JAK1: variants seen among roughly 807,000 people sequenced by gnomAD.
The protein encoded by JAK1 is tyrosine-protein kinase JAK1.
A neutral mutation model predicts 136.6 loss-of-function variants in JAK1; 16 were observed. That is an observed-to-expected ratio of 0.12 (90% confidence interval 0.08 to 0.18). JAK1 has a LOEUF of 0.18. JAK1 is among the 10% of genes least tolerant of loss of function. The pLI, the probability that JAK1 is intolerant of heterozygous loss-of-function variation, is 1.00. For synonymous variants in JAK1, 492 were observed against 519.5 expected (o/e 0.95, Z 0.72); for missense variants, 859 against 1,450.1 (o/e 0.59, Z 6.62).
At chr1:64,891,558 A>ACTT (rs1644936599) in intron 1 of JAK1, among the ~76,000 whole-genome samples, 1 of 152,212 alleles carries the variant, frequency 6.6e-6, no homozygotes, top group Non-Finnish European at 1.5e-5. Context: ...CAACATGTGA[A>ACTT]CAGGAAGCCT....
At chr1:64,965,462 T>TA (rs772653624) in intron 1 of JAK1, among the ~76,000 whole-genome samples, 2 of 152,098 alleles carry the variant, frequency 1.3e-5, no homozygotes, top group Non-Finnish European at 2.9e-5. Context: ...ATCTTTTATC[T>TA]AGAAGTTCCG....
chr1:64,950,096 GC>G (rs1372672174), intron 1 of JAK1, among the ~76,000 whole-genome samples: 4 of 152,086 alleles, frequency 2.6e-5, no homozygotes, highest in African/African-American at 9.7e-5. Context: ...AAACATAACA[GC>G]TTCGTGTAGG....
intron 24 of JAK1, 83 bp from the exon 25 acceptor site, chr1:64,834,740 A>G (rs1654363507): frequency 1.1e-6 from 1 of 901,432 alleles, no homozygotes; most frequent in East Asian, 2.5e-5. Flanking sequence ...GAGTAAGAAA[A>G]TAATTTTGGA....
chr1:64,870,023 C>T (rs961056870), intron 5 of JAK1, among the ~76,000 whole-genome samples: 1 of 152,124 alleles, frequency 6.6e-6, no homozygotes, highest in Non-Finnish European at 1.5e-5. Context: ...AATATACCCC[C>T]CCACTGATGG....
At chr1:64,986,084 T>A in intron 2 of JAK1, 1 of 1,011,590 alleles carries the variant, frequency 9.9e-7, no homozygotes, top group East Asian at 2.9e-5. Context: ...TGACCTTCTA[T>A]GTCCCCCATG....
intron 1 of JAK1, among the ~76,000 whole-genome samples, chr1:64,920,322 T>C (rs1043106685): frequency 1.3e-5 from 2 of 152,094 alleles, no homozygotes; most frequent in South Asian, 4.1e-4. Flanking sequence ...GGTGGATCAC[T>C]TGAGCCCAGG....
rs867657004 is a variant in JAK1, at chr1:64,861,683, G to A, written c.1177-1421C>T. The stretch of plus-strand genomic sequence containing the variant: ...AGTGAAGGGAAAAAGGAGCAGGGGA[G>A]ACAAGCCACTCGGCAGGAGGGAGGT... On this transcript the variant is annotated intron_variant, in intron 8 of 24. Transcript: ENST00000342505. Among the ~76,000 whole-genome samples the A allele has an allele frequency of 4.6e-5, 7 of 152,184 alleles. No individual in the cohort carries two copies. In the South Asian group the frequency reaches 6.2e-4, roughly 14 times the overall value.
chr1:65,067,267 C>T (rs1455489247), intron 1 of JAK1, among the ~76,000 whole-genome samples: 3 of 150,466 alleles, frequency 2.0e-5, no homozygotes, highest in Admixed American at 6.6e-5. Context: ...GCCCTCGGCC[C>T]CCGGCGCCGC....
At chr1:65,009,335 T>C (rs1347447657) in intron 2 of JAK1, among the ~76,000 whole-genome samples, 5 of 152,164 alleles carry the variant, frequency 3.3e-5, no homozygotes, top group Non-Finnish European at 7.3e-5. Flanking sequence ...AAAAAAACAT[T>C]CATGAAACTG....
chr1:64,857,896 C>G, intron 9 of JAK1, 117 bp from the exon 10 acceptor site: 1 of 1,262,580 alleles, frequency 7.9e-7, no homozygotes, highest in Non-Finnish European at 1.1e-6. Flanking sequence ...ACACTATCTG[C>G]CCTGCCTGGG....
At chr1:64,884,446 A>G (rs112818316) in intron 2 of JAK1, among the ~76,000 whole-genome samples, 6 of 152,264 alleles carry the variant, frequency 3.9e-5, no homozygotes, top group South Asian at 2.1e-4. Flanking sequence ...TCCATAACAC[A>G]TACCAGATCC....
chr1:64,977,222 T>C (rs966371009), intron 2 of JAK1, among the ~76,000 whole-genome samples: 2 of 152,096 alleles, frequency 1.3e-5, no homozygotes, highest in Non-Finnish European at 2.9e-5. Context: ...CAACCACAGC[T>C]CACTCCAGCC....
chr1:64,856,232 G>A (rs576332885), intron 10 of JAK1, among the ~76,000 whole-genome samples: 1 of 152,174 alleles, frequency 6.6e-6, no homozygotes, highest in Admixed American at 6.5e-5. Flanking sequence ...GGACACTGTG[G>A]TGCCAGATAG....
At position 64,880,080 on chromosome 1, in the gene JAK1, C is replaced by A. The variant is rs377534197; in HGVS notation, c.206-932G>T. On this transcript the variant is annotated intron_variant, in intron 3 of 24. Coordinates refer to ENST00000342505, the MANE Select transcript of JAK1 (RefSeq NM_002227.4). Reference sequence around the variant, plus strand: ...GGTAATAGGCACTTGTTTCCCAAATCGGACATCTGCAGTGAGACTGACACT... The same window carrying A: ...GGTAATAGGCACTTGTTTCCCAAATAGGACATCTGCAGTGAGACTGACACT... 3.9e-5 allele frequency among the ~76,000 whole-genome samples: 6 copies of A among 152,270 alleles called. No homozygotes were observed. The South Asian group carries it at 1.0e-3, about 26-fold the overall frequency.
chr1:64,910,073 A>G (rs1258306206), intron 1 of JAK1, among the ~76,000 whole-genome samples: 2 of 152,232 alleles, frequency 1.3e-5, no homozygotes, highest in Admixed American at 1.3e-4. Context: ...TAAATTTCAA[A>G]CAATTTCATG....
chr1:64,962,823 T>C (rs1027643232), intron 1 of JAK1, among the ~76,000 whole-genome samples: 1 of 152,136 alleles, frequency 6.6e-6, no homozygotes, highest in Non-Finnish European at 1.5e-5. Context: ...ATCCCAGCAC[T>C]GTGGGAGGCC....
At chr1:65,067,660 A>G (rs1442055908) in exon 1 of JAK1, 1 of 148,756 alleles carries the variant, frequency 6.7e-6, no homozygotes, top group African/African-American at 2.5e-5. Context: ...TATTTGCATG[A>G]GGATTATCTA....
intron 1 of JAK1, among the ~76,000 whole-genome samples, chr1:64,935,057 T>C (rs1375397556): frequency 2.0e-5 from 3 of 152,098 alleles, no homozygotes; most frequent in African/African-American, 7.2e-5. Flanking sequence ...CCCTCTGAAA[T>C]AGGAATGAGG....
chr1:64,911,768 T>TTAAAACTGAAAATCCAAGTTTTTA (rs889256664), intron 1 of JAK1, among the ~76,000 whole-genome samples: 12 of 152,350 alleles, frequency 7.9e-5, no homozygotes, highest in African/African-American at 2.9e-4. Context: ...CTTTCAGTTT[T>TTAAAACTGAAAATCCAAGTTTTTA]AAATCCAAGC....
Sources: allele counts gnomAD v4.1 joint callset (sites outside exome capture counted in the v4.1 genomes callset), GRCh38; gene constraint gnomAD v4.1.1; transcripts MANE v1.5; gene names NCBI Gene and HGNC (gene_info 2026-07-23, HGNC 2026-07-21).